The following TPCN1 variants were observed in gnomAD, a reference collection of about 807,000 sequenced individuals.
TPCN1 encodes two pore channel protein 1.
TPCN1 carries 52 observed loss-of-function variants against 108.8 expected under a neutral mutation model. The observed-to-expected ratio is 0.48, with a 90% confidence interval of 0.38 to 0.60. The LOEUF (loss-of-function observed/expected upper bound fraction) is 0.60. Among genes scored for constraint, TPCN1 ranks in the 20% least tolerant of loss-of-function variants. The probability of loss-of-function intolerance (pLI) is 0.00; values close to 1 mark genes in which losing one functional copy is unlikely to be tolerated. For missense variants in TPCN1, 806 were observed against 1,072.8 expected, an observed-to-expected ratio of 0.75 and a Z score of 3.47; for synonymous variants, 446 against 433.7, an observed-to-expected ratio of 1.03 and a Z score of -0.35.
chr12:113,251,266 A>G (rs1954620274), intron 2 of TPCN1, among the ~76,000 whole-genome samples: 1 of 152,236 alleles, frequency 6.6e-6, no homozygotes, highest in African/African-American at 2.4e-5. Flanking sequence ...GTGCCACTGC[A>G]CTACAGCCTG....
At chr12:113,276,038 A>G (rs1955662353) in intron 10 of TPCN1, among the ~76,000 whole-genome samples, 1 of 152,220 alleles carries the variant, frequency 6.6e-6, no homozygotes, top group African/African-American at 2.4e-5. Flanking sequence ...GTGTTTGTAA[A>G]TAAAGTTTCA....
At chr12:113,295,145 G>A (rs2136788280) in intron 27 of TPCN1, among the ~76,000 whole-genome samples, 1 of 152,352 alleles carries the variant, frequency 6.6e-6, no homozygotes, top group South Asian at 2.1e-4. Flanking sequence ...CCATTCAGGT[G>A]TGGTTGGAAG....
chr12:113,295,835 C>T, intron 27 of TPCN1, 125 bp from the exon 28 acceptor site: 1 of 1,098,518 alleles, frequency 9.1e-7, no homozygotes, highest in Non-Finnish European at 1.3e-6. Context: ...GTTTCAGTAC[C>T]AGCTGGGTGA....
At chr12:113,278,936 G>T (rs1453859766) in intron 14 of TPCN1, 101 bp downstream of exon 14, 5 of 1,029,618 alleles carry the variant, frequency 4.9e-6, no homozygotes, top group South Asian at 1.3e-5. Context: ...AGGGGTGTGT[G>T]TGTGTGTGTG....
chr12:113,255,920 A>G (rs1954815932), intron 2 of TPCN1, among the ~76,000 whole-genome samples: 1 of 143,074 alleles, frequency 7.0e-6, no homozygotes, highest in East Asian at 2.1e-4. Flanking sequence ...TGACCTCTCA[A>G]GCTCAAGCCA....
intron 2 of TPCN1, chr12:113,244,476 T>C: frequency 1.0e-6 from 1 of 985,470 alleles, no homozygotes; most frequent in Non-Finnish European, 1.2e-6. Context: ...AGAGAAGGCC[T>C]GAGCAGGGGG....
Position 113,273,549 on chromosome 12 carries a change from G to C in TPCN1, c.843-20G>C, listed in dbSNP as rs1329614987. On this transcript the variant is annotated intron_variant, in intron 9 of 27. Coordinates refer to ENST00000335509, the MANE Select transcript of TPCN1 (RefSeq NM_017901.6). The surrounding 1 kb of genome is among the most constrained non-coding windows in gnomAD (Gnocchi z 4.0). ...GAGACAGGCAGATACAGCACGCCGGGTCACCCTCTGCAAATACAGTTTCCC... is the reference window on the plus strand; with the variant it reads ...GAGACAGGCAGATACAGCACGCCGGCTCACCCTCTGCAAATACAGTTTCCC... 1.9e-6 allele frequency: 3 copies of C among 1,598,294 alleles called. No homozygotes were observed. Among genetic ancestry groups the C allele is most frequent in the Non-Finnish European group, 2.6e-6 (3 of 1,165,672 alleles).
chr12:113,274,579 GGATGGA>G (rs1458149366), intron 10 of TPCN1, among the ~76,000 whole-genome samples: 8 of 152,188 alleles, frequency 5.3e-5, no homozygotes, highest in African/African-American at 1.9e-4. Context: ...TTGAATGCAT[GGATGGA>G]GAACCCACAG....
At chr12:113,248,615 C>T (rs1307835693) in intron 2 of TPCN1, among the ~76,000 whole-genome samples, 4 of 152,184 alleles carry the variant, frequency 2.6e-5, no homozygotes, top group African/African-American at 7.2e-5. Flanking sequence ...CGGAGTGTTC[C>T]AGGCACGTTT....
Position 113,245,298 on chromosome 12 carries a change from A to G in TPCN1, c.113-15070A>G, listed in dbSNP as rs556572727. Among the ~76,000 whole-genome samples, 1,078 of 150,202 alleles carry G rather than the reference A, an allele frequency of 7.2e-3. 13 individuals carry two copies. Among genetic ancestry groups the G allele is most frequent in the South Asian group, 0.038 (178 of 4,722 alleles). On this transcript the variant is annotated intron_variant, in intron 2 of 27. Transcript: ENST00000335509. ...AAAAGAAAGAAAGAAAATAAAAAGG[A>G]GAGAGGTTAGAAAAGGGGGCTGGGC... is the stretch of plus-strand genomic sequence containing the variant.
At chr12:113,292,200 C>A in intron 25 of TPCN1, 1 of 501,944 alleles carries the variant, frequency 2.0e-6, no homozygotes, top group Admixed American at 3.6e-5. Context: ...GGAGAAAAAT[C>A]AAGAAGTAGA....
At chr12:113,271,920 G>T (rs1167429212) in intron 7 of TPCN1, among the ~76,000 whole-genome samples, 1 of 152,206 alleles carries the variant, frequency 6.6e-6, no homozygotes, top group Non-Finnish European at 1.5e-5. Flanking sequence ...GTGGCACTCA[G>T]CTGGGAAAGC....
chr12:113,227,185 G>C (rs1466342524), intron 2 of TPCN1, among the ~76,000 whole-genome samples: 1 of 152,150 alleles, frequency 6.6e-6, no homozygotes, highest in African/African-American at 2.4e-5. Context: ...TGCCCCTCTT[G>C]GTGCCCTCGC....
chr12:113,267,836 G>T lies in TPCN1; in HGVS notation c.415-7G>T. On this transcript the variant is annotated splice_region_variant and splice_polypyrimidine_tract_variant and intron_variant, in intron 4 of 27. Transcript: ENST00000335509. ...CCATGACACATCTCCACACCCTCTG[G>T]TCTCAGGTCCACGCCACCCTGGAGC... 6.2e-7 allele frequency: 1 copy of T among 1,607,834 alleles called. No individual in the cohort carries two copies. The highest frequency in any genetic ancestry group is 8.5e-7 in the Non-Finnish European group (1 of 1,174,304).
chr12:113,267,822 C>G, intron 4 of TPCN1, 21 bp from the exon 5 acceptor site: 1 of 1,582,852 alleles, frequency 6.3e-7, no homozygotes, highest in Non-Finnish European at 8.7e-7. Context: ...CATGACACAT[C>G]TCCACACCCT....
intron 2 of TPCN1, among the ~76,000 whole-genome samples, chr12:113,257,766 A>G (rs1954878670): frequency 1.3e-5 from 2 of 152,234 alleles, no homozygotes; most frequent in Non-Finnish European, 2.9e-5. Flanking sequence ...TTAGCTGTTC[A>G]TCAACAGGTG....
intron 26 of TPCN1, 24 bp downstream of exon 26, chr12:113,293,097 G>A (rs946964511): frequency 9.3e-6 from 15 of 1,605,044 alleles, no homozygotes; most frequent in South Asian, 1.1e-5. Context: ...GCCCTGGTCC[G>A]AAGGAGGGAG....
Position 113,221,511 on chromosome 12 carries a change from T to G in TPCN1, c.-241T>G, listed in dbSNP as rs979967530. The G allele has an allele frequency of 1.4e-5, 4 of 289,038 alleles. No individual in the cohort carries two copies. Among genetic ancestry groups the G allele is most frequent in the African/African-American group, 2.2e-5 (1 of 45,072 alleles). The allele number at this position is 289,038 out of a possible 1,614,324, so 17.9% of individuals were successfully genotyped here. A position where few individuals can be genotyped will look rare whatever the true frequency, so the allele number is the denominator to read the frequency against. On this transcript the variant is annotated 5_prime_UTR_variant, in exon 1 of 28. Coordinates refer to ENST00000335509, the MANE Select transcript of TPCN1 (RefSeq NM_017901.6). ...GGCAGTGGCTGAAGTGGCGGCGGCT[T>G]CGGCGGCTGCGGCGGCTGCAACAGC...
intron 2 of TPCN1, among the ~76,000 whole-genome samples, chr12:113,228,041 GGGATGAGAAAGCAGT>G (rs550842162): frequency 1.8e-4 from 27 of 152,322 alleles, no homozygotes; most frequent in Non-Finnish European, 3.1e-4. Context: ...GTGCCACTCA[GGGATGAGAAAGCAGT>G]GGCTCTGATT....
Sources: allele counts gnomAD v4.1 joint callset (sites outside exome capture counted in the v4.1 genomes callset), GRCh38; gene constraint gnomAD v4.1.1; non-coding constraint Gnocchi (gnomAD v3.1); transcripts MANE v1.5; gene names NCBI Gene and HGNC (gene_info 2026-07-23, HGNC 2026-07-21).